The following RS1 variants were observed in gnomAD, a reference collection of about 807,000 sequenced individuals.
RS1 encodes retinoschisin.
Under a neutral mutation model 20.8 loss-of-function variants are expected in RS1, and 2 were observed. The ratio of observed to expected loss-of-function variants is 0.10; its 90% CI spans 0.04 to 0.30. The LOEUF (loss-of-function observed/expected upper bound fraction) is 0.30. RS1 is among the 10% of genes least tolerant of loss of function. The probability of loss-of-function intolerance (pLI) is 1.00; values close to 1 mark genes in which losing one functional copy is unlikely to be tolerated. For missense variants in RS1, 151 were observed against 189.8 expected (o/e 0.80, Z 1.20); for synonymous variants, 70 against 75.8 (o/e 0.92, Z 0.40).
rs746055972 is a variant in RS1, at chrX:18,639,909, A to G, written c.*2095T>C. On this transcript the variant is annotated 3_prime_UTR_variant, in exon 6 of 6. Transcript: ENST00000379984. ...CTAAGTGAAAGAAGCCAGTCACGAA[A>G]TACCACATACTATATGATTTCATTT... is the stretch of plus-strand genomic sequence containing the variant. 2 of 111,999 alleles carry G rather than the reference A, an allele frequency of 1.8e-5. No homozygotes were observed. Among genetic ancestry groups the G allele is most frequent in the South Asian group, 7.5e-4 (2 of 2,663 alleles). The allele number at this position is 111,999 out of a possible 1,213,427, so 9.2% of individuals were successfully genotyped here.
chrX:18,651,220 AGTGTGTGTGTGTGTGTGT>A (rs3838188), intron 3 of RS1, among the ~76,000 whole-genome samples: 6 of 65,191 alleles, frequency 9.2e-5, no homozygotes, highest in Admixed American at 1.8e-4. Context: ...GGCAGGAGCA[AGTGTGTGTGTGTGTGTGT>A]GTGTGTGTGT....
chrX:18,652,115 C>A (rs1029847117), intron 3 of RS1, among the ~76,000 whole-genome samples: 1 of 111,187 alleles, frequency 9.0e-6, no homozygotes, highest in Non-Finnish European at 1.9e-5. Context: ...CCCATTCTCC[C>A]CCTAGCTGAG....
chrX:18,644,364 T>A, intron 5 of RS1, 66 bp downstream of exon 5: 1 of 1,041,786 alleles, frequency 9.6e-7, no homozygotes, highest in African/African-American at 1.9e-5. Flanking sequence ...TGACAGGAGC[T>A]CGGGGACAGG....
chrX:18,649,041 CA>C (rs746581850), intron 3 of RS1, among the ~76,000 whole-genome samples: 2,488 of 50,754 alleles, frequency 0.049, 66 homozygotes, highest in African/African-American at 0.14. Flanking sequence ...GACACTGTCT[CA>C]AAAAAAAAAA....
rs146477940 is a variant in RS1, at chrX:18,656,749, C to T, written c.88G>A (p.Glu30Lys). 1.7e-4 allele frequency: 208 copies of T among 1,206,691 alleles called. No homozygotes were observed. Among genetic ancestry groups the T allele is most frequent in the Non-Finnish European group, 2.2e-4 (196 of 892,482 alleles). ...LGLSSTEDEG[E>K]DPWYQKACKC... ...CATGCTTTTTGGTACCAGGGGTCCT[C>T]GCCTTCATCCTGCAGCCAACCAGAG... The change falls in exon 3 of 6, where the codon GAG (glutamate) becomes AAG (lysine). Residue 30 changes from glutamate (E) to lysine (K), a missense_variant. By Grantham distance (56) the Glu-to-Lys change is moderately conservative. Transcript: ENST00000379984.
chrX:18,654,652 G>A (rs1380533108), intron 3 of RS1, among the ~76,000 whole-genome samples: 1 of 111,516 alleles, frequency 9.0e-6, no homozygotes, highest in African/African-American at 3.3e-5. Context: ...AGTATTGACT[G>A]AGCCAATCAT....
At position 18,657,217 on chromosome X, in the gene RS1, C is replaced by CTTTTTTTTTTTTT. The variant is rs749358875; in HGVS notation, c.78+410_78+422dup. 2.3e-4 allele frequency among the ~76,000 whole-genome samples: 15 copies of CTTTTTTTTTTTTT among 65,146 alleles called. 1 individual carries two copies. The highest frequency in any genetic ancestry group is 6.6e-4 in the Admixed American group (3 of 4,577). 56.6% of individuals were successfully genotyped at this position (65,146 alleles called of 115,157 possible). A position where few individuals can be genotyped will look rare whatever the true frequency, so the allele number is the denominator to read the frequency against. On this transcript the variant is annotated intron_variant, in intron 2 of 5. Coordinates refer to ENST00000379984, the MANE Select transcript of RS1 (RefSeq NM_000330.4). Reference sequence around the variant, plus strand: ...ACAGTCACCATCACCAAAAAAAATACTTTTTTTTTTTTTTTTTTTTTGAGA... The same window carrying CTTTTTTTTTTTTT: ...ACAGTCACCATCACCAAAAAAAATACTTTTTTTTTTTTTTTTTTTTTTTTTTTTTTTTTTGAGA...
intron 3 of RS1, chrX:18,650,564 T>G: frequency 8.2e-7 from 1 of 1,212,155 alleles, no homozygotes; most frequent in Non-Finnish European, 1.1e-6. Flanking sequence ...GAGGCACTGA[T>G]GCTTTCAGCT....
chrX:18,653,528 C>T, intron 3 of RS1: 1 of 1,211,816 alleles, frequency 8.3e-7, no homozygotes, highest in Non-Finnish European at 1.1e-6. Flanking sequence ...GAGAATGCGG[C>T]ACTGACGGGC....
chrX:18,649,172 G>A (rs1029228058), intron 3 of RS1, among the ~76,000 whole-genome samples: 4 of 111,136 alleles, frequency 3.6e-5, no homozygotes, highest in Non-Finnish European at 7.5e-5. Flanking sequence ...TATTTAGGGG[G>A]TCTTGTGCTT....
rs759485059 is a variant in RS1, at chrX:18,653,620, C to G, written c.184+3033G>C. ...GAAGAACCAATTAACACCAATGAAT[C>G]AACCATTAACGCTGAGGTTGAGTTT... On this transcript the variant is annotated intron_variant, in intron 3 of 5. Coordinates refer to ENST00000379984, the MANE Select transcript of RS1 (RefSeq NM_000330.4). The G allele has an allele frequency of 1.7e-5, 19 of 1,113,527 alleles. No individual in the cohort carries two copies. The Admixed American group carries it at 3.9e-4, about 23-fold the overall frequency. The allele number at this position is 1,113,527 out of a possible 1,213,427, so 91.8% of individuals were successfully genotyped here.
intron 3 of RS1, chrX:18,650,254 G>C: frequency 1.9e-6 from 1 of 528,715 alleles, no homozygotes; most frequent in East Asian, 3.6e-5. Context: ...CTCACTCTGC[G>C]ATCTAAAGAC....
intron 1 of RS1, among the ~76,000 whole-genome samples, 156 bp downstream of exon 1, chrX:18,671,861 A>T (rs1928495156): frequency 8.9e-6 from 1 of 112,090 alleles, no homozygotes; most frequent in South Asian, 3.7e-4. Context: ...ATCCACACAA[A>T]GACAACTGTT....
intron 4 of RS1, 85 bp downstream of exon 4, chrX:18,647,106 G>T: frequency 9.5e-7 from 1 of 1,056,595 alleles, no homozygotes; most frequent in South Asian, 1.9e-5. Flanking sequence ...TAGTAGAGAC[G>T]GGGTTTCACT....
intron 1 of RS1, among the ~76,000 whole-genome samples, chrX:18,671,726 C>G (rs1043002584): frequency 9.0e-6 from 1 of 111,546 alleles, no homozygotes; most frequent in African/African-American, 3.3e-5. Context: ...CCAGAATATG[C>G]CATACTTTCT....
intron 1 of RS1, among the ~76,000 whole-genome samples, chrX:18,665,517 G>C (rs1421406541): frequency 5.4e-5 from 6 of 110,349 alleles, no homozygotes; most frequent in Non-Finnish European, 1.1e-4. Flanking sequence ...GAATTTCTTT[G>C]CCTCAAATGC....
chrX:18,650,486 C>T, intron 3 of RS1: 2 of 1,212,135 alleles, frequency 1.6e-6, no homozygotes, highest in Non-Finnish European at 2.2e-6. Flanking sequence ...ATCGTCCAAT[C>T]TCCAGTCCTG....
intron 5 of RS1, among the ~76,000 whole-genome samples, 185 bp downstream of exon 5, chrX:18,644,245 A>C (rs1169967623): frequency 8.9e-6 from 1 of 112,012 alleles, no homozygotes; most frequent in Non-Finnish European, 1.9e-5. Context: ...ATTTGCAAAC[A>C]AACTGTGCTG....
intron 3 of RS1, chrX:18,650,163 G>A: frequency 2.3e-6 from 1 of 441,439 alleles, no homozygotes; most frequent in East Asian, 3.8e-5. Context: ...AGAGCGGTCT[G>A]TAGCCCTGCA....
Sources: allele counts gnomAD v4.1 joint callset (sites outside exome capture counted in the v4.1 genomes callset), GRCh38; gene constraint gnomAD v4.1.1; transcripts MANE v1.5; gene names NCBI Gene and HGNC (gene_info 2026-07-23, HGNC 2026-07-21).